The following SNTG1 variants were observed in gnomAD, a reference collection of about 807,000 sequenced individuals.
The protein encoded by SNTG1 is gamma-1-syntrophin.
In SNTG1, 39 loss-of-function variants were observed where a neutral mutation model predicts 74.7. The ratio of observed to expected loss-of-function variants is 0.52; its 90% CI spans 0.40 to 0.68. The LOEUF is 0.68. Among genes scored for constraint, SNTG1 ranks in the 30% least tolerant of loss-of-function variants. The probability of loss-of-function intolerance (pLI) is 0.00; values close to 1 mark genes in which losing one functional copy is unlikely to be tolerated. For synonymous variants in SNTG1, 254 were observed against 217.1 expected, an observed-to-expected ratio of 1.17 and a Z score of -1.49; for missense variants, 685 against 609.5, an observed-to-expected ratio of 1.12 and a Z score of -1.30.
At chr8:50,152,002 C>T (rs1353192842) in intron 1 of SNTG1, among the ~76,000 whole-genome samples, 1 of 152,102 alleles carries the variant, frequency 6.6e-6, no homozygotes, top group Non-Finnish European at 1.5e-5. Flanking sequence ...CTAATGTTGA[C>T]AGTGGGGTGT....
intron 8 of SNTG1, among the ~76,000 whole-genome samples, chr8:50,452,892 G>A (rs547793882): frequency 6.6e-6 from 1 of 152,150 alleles, no homozygotes; most frequent in East Asian, 1.9e-4. Context: ...AACCTACAAG[G>A]GCAGAAAAAG....
intron 4 of SNTG1, among the ~76,000 whole-genome samples, chr8:50,437,240 A>G (rs922522913): frequency 6.6e-6 from 1 of 152,160 alleles, no homozygotes; most frequent in Admixed American, 6.6e-5. Flanking sequence ...AATAATTTCT[A>G]AGTAAATATG....
At chr8:50,042,385 A>C (rs935550985) in intron 1 of SNTG1, among the ~76,000 whole-genome samples, 1 of 152,082 alleles carries the variant, frequency 6.6e-6, no homozygotes. Context: ...TTAAAAATGC[A>C]AATCTTAAAA....
At chr8:50,561,793 C>G (rs1010901670) in intron 12 of SNTG1, among the ~76,000 whole-genome samples, 4 of 152,144 alleles carry the variant, frequency 2.6e-5, no homozygotes. Flanking sequence ...TAGTCATTAT[C>G]ACATTATTCC....
intron 18 of SNTG1, among the ~76,000 whole-genome samples, chr8:50,784,296 T>A (rs966711963): frequency 1.4e-4 from 21 of 152,178 alleles, no homozygotes; most frequent in Middle Eastern, 3.2e-3. Flanking sequence ...AGTAGAATTA[T>A]CCAAGCTTTA....
chr8:49,958,369 G>T (rs1244295189), intron 1 of SNTG1, among the ~76,000 whole-genome samples: 1 of 152,098 alleles, frequency 6.6e-6, no homozygotes, highest in African/African-American at 2.4e-5. Flanking sequence ...GCTAACAGGG[G>T]GCAGTGTCCT....
intron 2 of SNTG1, among the ~76,000 whole-genome samples, chr8:50,256,185 A>G (rs1283784203): frequency 7.9e-6 from 1 of 126,058 alleles, no homozygotes; most frequent in Admixed American, 9.1e-5. Flanking sequence ...CCATTTTGCT[A>G]TATATTGTGA....
chr8:50,196,737 A>G (rs1192441685), intron 2 of SNTG1, among the ~76,000 whole-genome samples: 3 of 151,430 alleles, frequency 2.0e-5, no homozygotes, highest in African/African-American at 7.3e-5. Flanking sequence ...CCGGTGGATC[A>G]CTTGAGGTCA....
chr8:50,769,483 A>G (rs1479969620), intron 18 of SNTG1, among the ~76,000 whole-genome samples: 1 of 152,034 alleles, frequency 6.6e-6, no homozygotes, highest in Non-Finnish European at 1.5e-5. Flanking sequence ...TTATGTTCTC[A>G]TAGTAAGGTA....
intron 2 of SNTG1, among the ~76,000 whole-genome samples, chr8:50,327,537 TTG>T (rs2090797816): frequency 6.6e-6 from 1 of 152,164 alleles, no homozygotes; most frequent in Non-Finnish European, 1.5e-5. Flanking sequence ...TTACTTTGAA[TTG>T]TGTGTATCTT....
At chr8:50,753,458 C>A (rs915729499) in intron 18 of SNTG1, among the ~76,000 whole-genome samples, 1 of 151,928 alleles carries the variant, frequency 6.6e-6, no homozygotes, top group African/African-American at 2.4e-5. Context: ...ACCTCAACCA[C>A]CAGTTGCTGA....
chr8:50,479,478 C>T (rs1272821196), intron 8 of SNTG1, among the ~76,000 whole-genome samples: 1 of 152,066 alleles, frequency 6.6e-6, no homozygotes, highest in Non-Finnish European at 1.5e-5. Flanking sequence ...GCTTACTTCC[C>T]CAATGGGGAA....
intron 2 of SNTG1, among the ~76,000 whole-genome samples, chr8:50,389,565 G>A (rs892500861): frequency 2.0e-5 from 3 of 152,118 alleles, no homozygotes; most frequent in Non-Finnish European, 4.4e-5. Flanking sequence ...TGTCTTTATA[G>A]CAGCATGATT....
At chr8:50,543,329 G>A (rs188375038) in intron 11 of SNTG1, among the ~76,000 whole-genome samples, 2 of 152,274 alleles carry the variant, frequency 1.3e-5, no homozygotes, top group East Asian at 1.9e-4. Context: ...ATTTATTGAA[G>A]AGACTGCCCT....
intron 1 of SNTG1, among the ~76,000 whole-genome samples, chr8:49,921,381 T>C (rs931200299): frequency 3.9e-5 from 6 of 152,024 alleles, no homozygotes; most frequent in Non-Finnish European, 8.8e-5. Context: ...CAAAAGCAGA[T>C]CACAGGGCAT....
chr8:49,948,374 A>G (rs1809398257), intron 1 of SNTG1, among the ~76,000 whole-genome samples: 1 of 152,086 alleles, frequency 6.6e-6, no homozygotes, highest in Admixed American at 6.5e-5. Context: ...TGAACCTTAA[A>G]ATTGTTTCGA....
intron 2 of SNTG1, among the ~76,000 whole-genome samples, chr8:50,308,082 ATGC>A (rs2089971143): frequency 6.6e-6 from 1 of 151,794 alleles, no homozygotes; most frequent in Admixed American, 6.6e-5. Context: ...CACTCCAGTG[ATGC>A]TGCAATTGCT....
At chr8:50,183,727 T>G (rs2083287979) in intron 2 of SNTG1, among the ~76,000 whole-genome samples, 1 of 152,166 alleles carries the variant, frequency 6.6e-6, no homozygotes, top group South Asian at 2.1e-4. Flanking sequence ...ACTATGCTGA[T>G]GAGTTCGCCT....
chr8:50,535,568 C>T (rs1010695831), intron 10 of SNTG1, among the ~76,000 whole-genome samples: 5 of 152,150 alleles, frequency 3.3e-5, no homozygotes, highest in Non-Finnish European at 4.4e-5. Flanking sequence ...AGTAGGGACC[C>T]CTCACTAAGT....
Sources: allele counts gnomAD v4.1 joint callset (sites outside exome capture counted in the v4.1 genomes callset), GRCh38; gene constraint gnomAD v4.1.1; transcripts MANE v1.5; gene names NCBI Gene and HGNC (gene_info 2026-07-23, HGNC 2026-07-21).